SHISAL1: variants seen among roughly 807,000 people sequenced by gnomAD.
SHISAL1 encodes the protein shisa like 1, also known as protein shisa-like-1.
A neutral mutation model predicts 22.6 loss-of-function variants in SHISAL1; 9 were observed. That is an observed-to-expected ratio of 0.40 (90% CI 0.24 to 0.70). SHISAL1 has a LOEUF of 0.70. Among genes scored for constraint, SHISAL1 ranks in the 30% least tolerant of loss-of-function variants. SHISAL1 has a pLI of 0.39. For missense variants in SHISAL1, 246 were observed against 270.6 expected (o/e 0.91, Z 0.64); for synonymous variants, 119 against 115.4 (o/e 1.03, Z -0.20).
intron 3 of SHISAL1, 112 bp downstream of exon 3, chr22:44,296,560 C>T: frequency 1.1e-6 from 1 of 875,002 alleles, no homozygotes; most frequent in Non-Finnish European, 1.8e-6. Context: ...TCCAGGCCCA[C>T]CCAACCTTAT....
At chr22:44,271,630 T>C (rs1181372976) in intron 4 of SHISAL1, among the ~76,000 whole-genome samples, 4 of 152,232 alleles carry the variant, frequency 2.6e-5, no homozygotes, top group Non-Finnish European at 5.9e-5. Flanking sequence ...GAATCCATGG[T>C]CCTCCCTGAC....
chr22:44,328,931 T>A, the SHISAL1 span, among the ~76,000 whole-genome samples: 9 of 152,152 alleles, frequency 5.9e-5, no homozygotes, highest in Non-Finnish European at 8.8e-5. Context: ...TGTGTCTGCA[T>A]CTCTGCCCAC....
At chr22:44,315,187 G>T (rs1180749708), upstream of SHISAL1, among the ~76,000 whole-genome samples, 1 of 152,268 alleles carries the variant, frequency 6.6e-6, no homozygotes, top group East Asian at 1.9e-4. Flanking sequence ...CAGGAAGCAG[G>T]CAGAGACATG....
At chr22:44,256,712 A>G (rs535915016) in intron 4 of SHISAL1, among the ~76,000 whole-genome samples, 2 of 151,496 alleles carry the variant, frequency 1.3e-5, no homozygotes, top group African/African-American at 2.4e-5. Flanking sequence ...CTTTTGGCCC[A>G]TGACTGTATC....
the SHISAL1 span, among the ~76,000 whole-genome samples, chr22:44,323,811 C>A: frequency 2.0e-5 from 3 of 152,372 alleles, no homozygotes; most frequent in South Asian, 6.2e-4. Flanking sequence ...GGCTCTCTGA[C>A]CCTTCACTGC....
chr22:44,274,047 C>T (rs1288046697), intron 4 of SHISAL1, among the ~76,000 whole-genome samples: 3 of 149,326 alleles, frequency 2.0e-5, no homozygotes, highest in South Asian at 2.2e-4. Flanking sequence ...GTGAACCTCC[C>T]GGCCCCCCCC....
rs1230742018 is a variant in SHISAL1, at chr22:44,247,873, CCTGG to C, written c.*1808_*1811del. 6.6e-6 allele frequency: 1 copy of C among 151,814 alleles called. No individual in the cohort carries two copies. Among genetic ancestry groups the C allele is most frequent in the African/African-American group, 2.4e-5 (1 of 41,364 alleles). The allele number at this position is 151,814 out of a possible 1,614,324, so 9.4% of individuals were successfully genotyped here. ...TGCCTTCCCTCTGGGTCCCCAGCCA[CCTGG>C]CTTTCTTGTGCCACCTGGCTTTCTT... On this transcript the variant is annotated 3_prime_UTR_variant, in exon 5 of 5. Transcript: ENST00000381176.
chr22:44,316,442 C>T (rs997915148), upstream of SHISAL1, among the ~76,000 whole-genome samples: 1 of 152,154 alleles, frequency 6.6e-6, no homozygotes, highest in Admixed American at 6.5e-5. Flanking sequence ...GCATCTCTCC[C>T]AGCTTTCCAG....
chr22:44,322,201 C>A, the SHISAL1 span, among the ~76,000 whole-genome samples: 2 of 152,236 alleles, frequency 1.3e-5, no homozygotes, highest in Admixed American at 6.5e-5. Context: ...TCTCTTCTCA[C>A]AGAAAGTTAT....
At chr22:44,320,565 A>C in the SHISAL1 span, among the ~76,000 whole-genome samples, 13 of 152,220 alleles carry the variant, frequency 8.5e-5, no homozygotes, top group Non-Finnish European at 1.9e-4. Flanking sequence ...CTGCTTCTAA[A>C]TCGATCCAGA....
At chr22:44,278,392 G>A (rs12485205) in intron 4 of SHISAL1, among the ~76,000 whole-genome samples, 9,780 of 152,244 alleles carry the variant, frequency 0.064, 685 homozygotes, top group Admixed American at 0.17. Context: ...TATAGCTCCT[G>A]TTAGTTCTGT....
At chr22:44,249,792 G>C (rs1028759596) in intron 4 of SHISAL1, 107 bp from the exon 5 acceptor site, 1 of 742,058 alleles carries the variant, frequency 1.3e-6, no homozygotes, top group African/African-American at 1.7e-5. Flanking sequence ...GAGCATGTGG[G>C]TTTTGTCTTC....
At chr22:44,294,453 T>C (rs2055372992) in intron 3 of SHISAL1, among the ~76,000 whole-genome samples, 1 of 152,188 alleles carries the variant, frequency 6.6e-6, no homozygotes, top group African/African-American at 2.4e-5. Context: ...ACAAACGCCC[T>C]GTTCAAAAAG....
At chr22:44,315,449 G>A (rs952449324), upstream of SHISAL1, among the ~76,000 whole-genome samples, 33 of 151,980 alleles carry the variant, frequency 2.2e-4, no homozygotes, top group African/African-American at 7.3e-4. Flanking sequence ...GTGTGGTGCC[G>A]GAACTGTCCA....
intron 1 of SHISAL1, among the ~76,000 whole-genome samples, chr22:44,307,958 G>A: frequency 6.6e-6 from 1 of 152,158 alleles, no homozygotes; most frequent in Non-Finnish European, 1.5e-5. Context: ...AGCACTGGGG[G>A]CTTCCAGCCA....
At chr22:44,308,965 G>A (rs2055498429) in intron 1 of SHISAL1, among the ~76,000 whole-genome samples, 1 of 152,240 alleles carries the variant, frequency 6.6e-6, no homozygotes, top group Non-Finnish European at 1.5e-5. Flanking sequence ...AGCATTCTGG[G>A]TGTGAAGCGG....
intron 3 of SHISAL1, among the ~76,000 whole-genome samples, chr22:44,293,740 C>T (rs2055368316): frequency 6.6e-6 from 1 of 152,198 alleles, no homozygotes; most frequent in African/African-American, 2.4e-5. Flanking sequence ...TGCCAGGTAG[C>T]TGCAGCGGCA....
rs56376829 is a variant in SHISAL1, at chr22:44,284,897, GCCTTCCTT to G, written c.599+523_599+530del. Among the ~76,000 whole-genome samples the G allele has an allele frequency of 1.3e-3, 175 of 134,596 alleles. 1 individual carries two copies. The highest frequency in any genetic ancestry group is 0.011 in the South Asian group (41 of 3,672). The allele number at this position is 134,596 out of a possible 152,430, so 88.3% of individuals were successfully genotyped here. On this transcript the variant is annotated intron_variant, in intron 4 of 4. Coordinates refer to ENST00000381176, the MANE Select transcript of SHISAL1 (RefSeq NM_001099294.2). Reference sequence around the variant, plus strand: ...TGAGATGCCACCTCTCTGCCTTCCTGCCTTCCTTCCTTCCTTCCTTCCTTCCTTCCTTC... The same window carrying G: ...TGAGATGCCACCTCTCTGCCTTCCTGCCTTCCTTCCTTCCTTCCTTCCTTC...
chr22:44,254,481 C>T (rs1299049433), intron 4 of SHISAL1, among the ~76,000 whole-genome samples: 4 of 152,122 alleles, frequency 2.6e-5, no homozygotes, highest in Admixed American at 2.6e-4. Flanking sequence ...CTGCCCTAGC[C>T]TCCTGTGTAG....
Sources: allele counts gnomAD v4.1 joint callset (sites outside exome capture counted in the v4.1 genomes callset), GRCh38; gene constraint gnomAD v4.1.1; transcripts MANE v1.5; gene names NCBI Gene and HGNC (gene_info 2026-07-23, HGNC 2026-07-21).